Variants in ZNRF1 observed in about 807,000 individuals in gnomAD.
The protein encoded by ZNRF1 is E3 ubiquitin-protein ligase ZNRF1.
A neutral mutation model predicts 18.4 loss-of-function variants in ZNRF1; 3 were observed. That is an observed-to-expected ratio of 0.16 (90% CI 0.07 to 0.42). The LOEUF (loss-of-function observed/expected upper bound fraction) is 0.42. Ranked by LOEUF, ZNRF1 falls within the 10% of genes least tolerant of loss-of-function variation. The pLI is 0.99. For synonymous variants in ZNRF1, 157 were observed against 144.2 expected (o/e 1.09, Z -0.64); for missense variants, 310 against 329.8 (o/e 0.94, Z 0.47).
At chr16:75,098,641 C>T (rs976446398) in intron 2 of ZNRF1, among the ~76,000 whole-genome samples, 2 of 152,198 alleles carry the variant, frequency 1.3e-5, no homozygotes, top group African/African-American at 4.8e-5. Context: ...GGCACTCCAC[C>T]GCACCTAGGC....
intron 1 of ZNRF1, among the ~76,000 whole-genome samples, chr16:75,051,674 C>T (rs1943065): frequency 0.11 from 15,979 of 152,128 alleles, 1,109 homozygotes; most frequent in African/African-American, 0.18. Context: ...TGTGCCACCA[C>T]GCCCAACTAA....
At chr16:75,086,432 A>G (rs2036074952) in intron 1 of ZNRF1, among the ~76,000 whole-genome samples, 1 of 152,240 alleles carries the variant, frequency 6.6e-6, no homozygotes, top group Non-Finnish European at 1.5e-5. Flanking sequence ...GGCAAAAGCC[A>G]GAATTCCTGG....
intron 2 of ZNRF1, among the ~76,000 whole-genome samples, chr16:75,101,640 T>G (rs912888711): frequency 2.6e-5 from 4 of 152,222 alleles, no homozygotes; most frequent in Non-Finnish European, 5.9e-5. Flanking sequence ...CCAACCCATC[T>G]TATCCTTCTG....
intron 1 of ZNRF1, among the ~76,000 whole-genome samples, chr16:75,050,889 C>A (rs73614036): frequency 0.75 from 20,658 of 27,422 alleles, 7,622 homozygotes; most frequent in South Asian, 0.93. Flanking sequence ...AAAAAAAAAA[C>A]AAAAAAAAAC....
intron 1 of ZNRF1, among the ~76,000 whole-genome samples, chr16:75,078,973 C>T (rs1034364713): frequency 1.3e-5 from 2 of 152,178 alleles, no homozygotes; most frequent in Non-Finnish European, 2.9e-5. Flanking sequence ...GTCCATGTTC[C>T]TGCTACCATG....
intron 1 of ZNRF1, among the ~76,000 whole-genome samples, chr16:75,091,816 CA>C (rs1229807833): frequency 6.6e-6 from 1 of 152,040 alleles, no homozygotes; most frequent in African/African-American, 2.4e-5. Context: ...GAATTACAGG[CA>C]TGCACGACCA....
At chr16:75,017,493 A>T (rs914816460) in intron 1 of ZNRF1, among the ~76,000 whole-genome samples, 1 of 152,252 alleles carries the variant, frequency 6.6e-6, no homozygotes, top group African/African-American at 2.4e-5. Context: ...AAGATAAATC[A>T]TTGACATCCA....
intron 1 of ZNRF1, among the ~76,000 whole-genome samples, chr16:75,013,315 T>G (rs951861046): frequency 1.3e-5 from 2 of 151,900 alleles, no homozygotes; most frequent in Non-Finnish European, 2.9e-5. Context: ...AGTTCCAGCC[T>G]GGAGCCCTGA....
At chr16:75,032,977 C>T (rs369339439) in intron 1 of ZNRF1, among the ~76,000 whole-genome samples, 1 of 152,158 alleles carries the variant, frequency 6.6e-6, no homozygotes, top group Non-Finnish European at 1.5e-5. Flanking sequence ...CATGCTGCTG[C>T]ACTCCATCTG....
intron 1 of ZNRF1, among the ~76,000 whole-genome samples, chr16:75,063,501 G>A (rs567344239): frequency 6.6e-6 from 1 of 152,336 alleles, no homozygotes; most frequent in East Asian, 1.9e-4. Context: ...GCCGTGGATA[G>A]GTGTGCATGG....
intron 1 of ZNRF1, among the ~76,000 whole-genome samples, chr16:75,080,846 C>T (rs2145410724): frequency 1.3e-5 from 2 of 152,162 alleles, no homozygotes; most frequent in East Asian, 3.9e-4. Context: ...TGCACTCCAG[C>T]CTGGGCAACA....
intron 1 of ZNRF1, among the ~76,000 whole-genome samples, chr16:75,037,852 A>G (rs1280013558): frequency 1.3e-5 from 2 of 152,236 alleles, no homozygotes; most frequent in Non-Finnish European, 2.9e-5. Context: ...AAGCACTCAT[A>G]TAACCTGTTT....
intron 2 of ZNRF1, among the ~76,000 whole-genome samples, chr16:75,096,940 T>C (rs1477205010): frequency 6.6e-6 from 1 of 151,908 alleles, no homozygotes; most frequent in African/African-American, 2.4e-5. Flanking sequence ...CTGGGGAAGT[T>C]TGGGAATGTG....
intron 1 of ZNRF1, among the ~76,000 whole-genome samples, chr16:75,053,589 CAAAAAAAA>C (rs56775288): frequency 5.6e-5 from 4 of 71,624 alleles, no homozygotes; most frequent in South Asian, 4.6e-4. Flanking sequence ...GACTCCATCT[CAAAAAAAA>C]AAAAAAAAAA....
At chr16:75,012,755 A>G (rs1214975111) in intron 1 of ZNRF1, among the ~76,000 whole-genome samples, 2 of 152,180 alleles carry the variant, frequency 1.3e-5, no homozygotes, top group Non-Finnish European at 2.9e-5. Context: ...TGTCTGAACC[A>G]CTATCTTACA....
chr16:75,074,352 T>C lies in ZNRF1; in HGVS notation c.425-19220T>C, dbSNP rs2035912083. On this transcript the variant is annotated intron_variant, in intron 1 of 4. Coordinates refer to ENST00000335325, the MANE Select transcript of ZNRF1 (RefSeq NM_032268.5). Reference sequence around the variant, plus strand: ...AGCATGTAGCACAGAGCCTACTGGGTGACCCTTCCAACAGCCCCTTGAGAG... The same window carrying C: ...AGCATGTAGCACAGAGCCTACTGGGCGACCCTTCCAACAGCCCCTTGAGAG... 2.0e-5 allele frequency among the ~76,000 whole-genome samples: 3 copies of C among 152,196 alleles called. No homozygotes were observed. The South Asian group carries it at 6.2e-4, about 31-fold the overall frequency.
At chr16:75,036,797 T>C (rs112116698) in intron 1 of ZNRF1, among the ~76,000 whole-genome samples, 10 of 152,358 alleles carry the variant, frequency 6.6e-5, no homozygotes, top group African/African-American at 2.4e-4. Context: ...GTATGTATTA[T>C]ACACACGTAT....
intron 1 of ZNRF1, among the ~76,000 whole-genome samples, chr16:75,051,587 G>A (rs557661510): frequency 2.1e-5 from 3 of 144,264 alleles, no homozygotes; most frequent in East Asian, 4.2e-4. Flanking sequence ...GCATGATCTC[G>A]GCTCACTGCA....
chr16:75,032,364 C>T (rs2035317570), intron 1 of ZNRF1, among the ~76,000 whole-genome samples: 1 of 151,998 alleles, frequency 6.6e-6, no homozygotes, highest in Non-Finnish European at 1.5e-5. Context: ...CCACCTCAGC[C>T]TCCCAAAGTG....
Sources: allele counts gnomAD v4.1 joint callset (sites outside exome capture counted in the v4.1 genomes callset), GRCh38; gene constraint gnomAD v4.1.1; transcripts MANE v1.5; gene names NCBI Gene and HGNC (gene_info 2026-07-23, HGNC 2026-07-21).